The following THRB variants were observed in gnomAD, a reference collection of about 807,000 sequenced individuals.
THRB encodes the protein nuclear receptor subfamily 1 group A member 2.
THRB carries 12 observed loss-of-function variants against 47.8 expected under a neutral mutation model. That is an observed-to-expected ratio of 0.25 (90% CI 0.16 to 0.41). THRB has a LOEUF of 0.41. Among genes scored for constraint, THRB ranks in the 10% least tolerant of loss-of-function variants. THRB has a pLI of 1.00. For missense variants in THRB, 348 were observed against 589.2 expected (o/e 0.59, Z 4.24); for synonymous variants, 218 against 212.2 (o/e 1.03, Z -0.24).
At chr3:24,296,303 G>C (rs1427756997) in intron 3 of THRB, among the ~76,000 whole-genome samples, 1 of 152,202 alleles carries the variant, frequency 6.6e-6, no homozygotes, top group Non-Finnish European at 1.5e-5. Flanking sequence ...AATAAGATCT[G>C]ACATTTATTG....
chr3:24,425,125 C>T (rs1432470340), intron 1 of THRB, among the ~76,000 whole-genome samples: 9 of 151,642 alleles, frequency 5.9e-5, no homozygotes, highest in Non-Finnish European at 4.4e-5. Context: ...ATCCATGATG[C>T]CATTCTTGGG....
chr3:24,185,416 CATT>C (rs910376341), intron 5 of THRB, among the ~76,000 whole-genome samples: 1 of 151,674 alleles, frequency 6.6e-6, no homozygotes, highest in Non-Finnish European at 1.5e-5. Context: ...GATTTTAAAA[CATT>C]ATTTGCAATT....
At chr3:24,312,648 A>G (rs192874200) in intron 2 of THRB, among the ~76,000 whole-genome samples, 3 of 151,994 alleles carry the variant, frequency 2.0e-5, no homozygotes, top group Admixed American at 2.0e-4. Context: ...TTTTTTCTCT[A>G]TTGTACATCT....
At chr3:24,184,748 G>A (rs1467556623) in intron 5 of THRB, among the ~76,000 whole-genome samples, 1 of 152,176 alleles carries the variant, frequency 6.6e-6, no homozygotes, top group Non-Finnish European at 1.5e-5. Flanking sequence ...GGCACTCTCA[G>A]TTGGGACTGC....
chr3:24,326,756 CTTTT>C (rs1174687260), intron 2 of THRB, among the ~76,000 whole-genome samples: 86 of 49,998 alleles, frequency 1.7e-3, no homozygotes, highest in African/African-American at 7.3e-3. Flanking sequence ...CCAGTCTTGT[CTTTT>C]TTTTTTTTTT....
At chr3:24,462,859 C>T (rs1235710179) in intron 1 of THRB, among the ~76,000 whole-genome samples, 5 of 152,164 alleles carry the variant, frequency 3.3e-5, no homozygotes, top group Non-Finnish European at 5.9e-5. Flanking sequence ...GGCTACCAAG[C>T]TCACCCTCAT....
rs1481832968 is a variant in THRB, at chr3:24,244,761, C to T, written c.-42-15760G>A. Among the ~76,000 whole-genome samples the T allele has an allele frequency of 2.0e-5, 3 of 152,142 alleles. No homozygotes were observed. The East Asian group carries it at 5.8e-4, about 29-fold the overall frequency. On this transcript the variant is annotated intron_variant, in intron 3 of 10. Coordinates refer to ENST00000646209, the MANE Select transcript of THRB (RefSeq NM_001354712.2). ...AACTGAGATGTTGCTTAGCTAGCAGCCCTGTGAATCTTCCTCCCGAGAACT... is the reference window on the plus strand; with the variant it reads ...AACTGAGATGTTGCTTAGCTAGCAGTCCTGTGAATCTTCCTCCCGAGAACT...
chr3:24,226,904 G>A (rs1464497208), intron 4 of THRB, among the ~76,000 whole-genome samples: 1 of 152,114 alleles, frequency 6.6e-6, no homozygotes, highest in Non-Finnish European at 1.5e-5. Flanking sequence ...GACACTGTAT[G>A]GGCTGCAAAG....
intron 4 of THRB, among the ~76,000 whole-genome samples, chr3:24,212,676 G>A (rs554790245): frequency 6.6e-6 from 1 of 151,644 alleles, no homozygotes; most frequent in African/African-American, 2.4e-5. Flanking sequence ...GCAAAACCAA[G>A]CCTTGATCCC....
chr3:24,389,372 A>C (rs1257821379), intron 1 of THRB, among the ~76,000 whole-genome samples: 1 of 152,190 alleles, frequency 6.6e-6, no homozygotes, highest in Non-Finnish European at 1.5e-5. Context: ...GAGACTATAA[A>C]AGGGCAAGTG....
intron 4 of THRB, among the ~76,000 whole-genome samples, chr3:24,217,677 C>T (rs982368754): frequency 2.0e-5 from 3 of 152,112 alleles, no homozygotes; most frequent in Admixed American, 2.0e-4. Flanking sequence ...TGTTTCCCCT[C>T]CCATTTTCTG....
At chr3:24,163,383 C>T (rs1435672626) in intron 5 of THRB, among the ~76,000 whole-genome samples, 2 of 151,930 alleles carry the variant, frequency 1.3e-5, no homozygotes, top group Middle Eastern at 3.2e-3. Context: ...AATAAAGAAC[C>T]CCTGGTTTAA....
intron 5 of THRB, among the ~76,000 whole-genome samples, chr3:24,157,433 G>A (rs2038033500): frequency 6.6e-6 from 1 of 152,058 alleles, no homozygotes; most frequent in Admixed American, 6.5e-5. Flanking sequence ...TCTCATCGGA[G>A]GCTTTAGTGC....
In THRB at chr3:24,236,756, G is replaced by A. The variant is rs114306794; in HGVS notation, c.-42-7755C>T. On this transcript the variant is annotated intron_variant, in intron 3 of 10. Coordinates refer to ENST00000646209, the MANE Select transcript of THRB (RefSeq NM_001354712.2). ...TGTTCATTTAACCTTGCTGTGGGGA[G>A]TAAGAAAGTTTGGACACAGAAATAA... 3.7e-3 allele frequency among the ~76,000 whole-genome samples: 567 copies of A among 152,254 alleles called. 1 individual carries two copies. Among genetic ancestry groups the A allele is most frequent in the Non-Finnish European group, 5.3e-3 (363 of 68,004 alleles).
At chr3:24,484,588 C>T (rs1476167267) in intron 1 of THRB, among the ~76,000 whole-genome samples, 1 of 152,240 alleles carries the variant, frequency 6.6e-6, no homozygotes, top group African/African-American at 2.4e-5. Context: ...ATATGGCTCA[C>T]GTTCTATTTC....
intron 1 of THRB, among the ~76,000 whole-genome samples, chr3:24,468,832 G>A (rs1577804319): frequency 6.6e-6 from 1 of 152,138 alleles, no homozygotes; most frequent in African/African-American, 2.4e-5. Flanking sequence ...TTAGAAAAAT[G>A]GTGCCAATAA....
chr3:24,240,408 T>G (rs903806157), intron 3 of THRB, among the ~76,000 whole-genome samples: 31 of 152,148 alleles, frequency 2.0e-4, no homozygotes, highest in African/African-American at 7.2e-4. Context: ...AACACAGCCC[T>G]TATATAATCT....
chr3:24,169,675 A>AATAATATATATTATATATATATATT (rs1022796818), intron 5 of THRB, among the ~76,000 whole-genome samples: 1 of 147,924 alleles, frequency 6.8e-6, no homozygotes, highest in Admixed American at 6.8e-5. Context: ...TAATAATTAT[A>AATAATATATATTATATATATATATT]ATAATATATA....
chr3:24,239,702 T>A (rs2049281588), intron 3 of THRB, among the ~76,000 whole-genome samples: 1 of 152,150 alleles, frequency 6.6e-6, no homozygotes, highest in African/African-American at 2.4e-5. Flanking sequence ...CATATAGTTC[T>A]AATTTTCTTT....
Sources: gnomAD v4.1 joint callset for allele counts (sites outside exome capture counted in the v4.1 genomes callset) on GRCh38, gnomAD v4.1.1 for gene constraint, MANE v1.5 for transcripts, NCBI Gene and HGNC (gene_info 2026-07-23, HGNC 2026-07-21) for gene names.